The following BBOF1 variants were observed in gnomAD, a reference collection of about 807,000 sequenced individuals.
BBOF1 encodes basal body orientation factor 1, also known as basal body-orientation factor 1.
A neutral mutation model predicts 68.0 loss-of-function variants in BBOF1; 62 were observed. That is an observed-to-expected ratio of 0.91 (90% CI 0.74 to 1.13). The LOEUF (loss-of-function observed/expected upper bound fraction) is 1.13, where lower values mean the gene tolerates loss of function less well. Ranked by LOEUF, BBOF1 falls within the 50% of genes most tolerant of loss-of-function variation. BBOF1 has a pLI of 0.00. For missense variants in BBOF1, 534 were observed against 600.1 expected (o/e 0.89, Z 1.15); for synonymous variants, 208 against 198.8 (o/e 1.05, Z -0.39).
chr14:74,046,005 A>G lies in BBOF1; in HGVS notation c.577-55A>G, dbSNP rs570244556. ...ATTCTAAAATAAATATCTTTTGATG[A>G]GTAAAATTTGTTGTTAGGGGCATAA... is the stretch of plus-strand genomic sequence containing the variant. On this transcript the variant is annotated intron_variant, in intron 5 of 11. Transcript: ENST00000394009. 37 of 1,454,720 alleles carry G rather than the reference A, an allele frequency of 2.5e-5. No individual in the cohort carries two copies. In the South Asian group the frequency reaches 3.4e-4, roughly 13 times the overall value. The allele number at this position is 1,454,720 out of a possible 1,614,324, so 90.1% of individuals were successfully genotyped here. A position where few individuals can be genotyped will look rare whatever the true frequency, so the allele number is the denominator to read the frequency against.
downstream of BBOF1, among the ~76,000 whole-genome samples, chr14:74,066,491 A>G (rs551849636): frequency 6.6e-6 from 1 of 152,194 alleles, no homozygotes; most frequent in Non-Finnish European, 1.5e-5. Flanking sequence ...CTATCCCTTT[A>G]TGGAAAGTCT....
chr14:74,066,959 T>C, downstream of BBOF1: 1 of 1,459,470 alleles, frequency 6.9e-7, no homozygotes, highest in South Asian at 1.2e-5. Context: ...CTCATGCCTG[T>C]AATCCCAAAG....
intron 11 of BBOF1, among the ~76,000 whole-genome samples, chr14:74,061,525 C>G (rs943377459): frequency 2.0e-5 from 3 of 152,094 alleles, no homozygotes; most frequent in Non-Finnish European, 4.4e-5. Flanking sequence ...TGGCTAGCAC[C>G]ATGTTGGCCA....
At chr14:74,066,946 G>C, downstream of BBOF1, 3 of 1,520,682 alleles carry the variant, frequency 2.0e-6, no homozygotes, top group East Asian at 2.3e-5. Flanking sequence ...ACTGCTGCCA[G>C]GGCTCATGCC....
chr14:74,057,182 AG>A lies in BBOF1; in HGVS notation c.1503del (p.Gln501HisfsTer33). On this transcript the variant is annotated frameshift_variant, in exon 11 of 12. Transcript: ENST00000394009. LOFTEE classifies it high-confidence loss of function. ...CTTCAAGATAAAATCTTCATCACCC[AG>A]CAAATTGCAATATCAGACTCTTCTG... Reference protein sequence around the residue: ...SKLQDKIFITQQIAISDSSGE... With the variant: ...SKLQDKIFITXQIAISDSSGE... 2 of 1,613,684 alleles carry A rather than the reference AG, an allele frequency of 1.2e-6. No individual in the cohort carries two copies. Among genetic ancestry groups the A allele is most frequent in the Non-Finnish European group, 1.7e-6 (2 of 1,179,666 alleles).
chr14:74,060,163 CT>C lies in BBOF1; in HGVS notation c.1578+2912del, dbSNP rs1256064433. ...CTTTAAAAAATTTTTTTTCCCTTTT[CT>C]TTTTTTACTTTTTCAATTTTTTTAA... On this transcript the variant is annotated intron_variant, in intron 11 of 11. Coordinates refer to ENST00000394009, the MANE Select transcript of BBOF1 (RefSeq NM_025057.3). 1.2e-4 allele frequency: 19 copies of C among 156,250 alleles called. No homozygotes were observed. The South Asian group carries it at 1.9e-3, about 16-fold the overall frequency. 9.7% of individuals were successfully genotyped at this position (156,250 alleles called of 1,614,324 possible).
intron 9 of BBOF1, 110 bp from the exon 10 acceptor site, chr14:74,056,796 T>C (rs773005611): frequency 1.4e-5 from 10 of 705,870 alleles, no homozygotes; most frequent in Admixed American, 5.7e-5. Flanking sequence ...ATACCTACTA[T>C]CACCCACAAA....
rs530610068 is a variant in BBOF1 at position 74,071,726 on chromosome 14, TAAA to T, written n.1380-6469_1380-6467del. 3,268 of 1,455,704 alleles carry T rather than the reference TAAA, an allele frequency of 2.2e-3. 18 individuals are homozygous for T. The highest frequency in any genetic ancestry group is 0.02 in the Middle Eastern group (88 of 4,470). The allele number at this position is 1,455,704 out of a possible 1,614,324, so 90.2% of individuals were successfully genotyped here. On this transcript the variant is annotated intron_variant and non_coding_transcript_variant, in intron 9 of 12. Transcript: ENST00000492026. Reference sequence around the variant, plus strand: ...AAGATCATTTGAGTAAAGAGTAAAGTAAATCAGTCTTAGGGATACTGAATACTG... The same window carrying T: ...AAGATCATTTGAGTAAAGAGTAAAGTTCAGTCTTAGGGATACTGAATACTG...
Position 74,048,007 on chromosome 14 carries a change from A to C in BBOF1, c.725A>C (p.Glu242Ala). 1.9e-6 allele frequency: 3 copies of C among 1,613,510 alleles called. No individual in the cohort carries two copies. Among genetic ancestry groups the C allele is most frequent in the Non-Finnish European group, 2.5e-6 (3 of 1,179,724 alleles). The change falls in exon 7 of 12, where the codon GAA (glutamate) becomes GCA (alanine). Residue 242 changes from glutamate to alanine, a missense_variant. Transcript: ENST00000394009. Reference protein sequence around the residue: ...LQKALAYHLKETDALQKNSQK... With the variant: ...LQKALAYHLKATDALQKNSQK... ...AAAGCTCTGGCATATCACCTGAAGG[A>C]AACTGACGCTCTACAAAAAAACTCC...
Position 74,065,553 on chromosome 14 carries a change from T to C in BBOF1, c.*854T>C, listed in dbSNP as rs1595115927. Reference sequence around the variant, plus strand: ...TGTATTCCGTCTTCCAAGTTACCAATCATATAAACAACTTGGAATTCCTAT... The same window carrying C: ...TGTATTCCGTCTTCCAAGTTACCAACCATATAAACAACTTGGAATTCCTAT... On this transcript the variant is annotated 3_prime_UTR_variant, in exon 12 of 12. Transcript: ENST00000394009. 2 of 598,716 alleles carry C rather than the reference T, an allele frequency of 3.3e-6. No homozygotes were observed. Among genetic ancestry groups the C allele is most frequent in the Non-Finnish European group, 5.9e-6 (2 of 340,076 alleles). 37.1% of individuals were successfully genotyped at this position (598,716 alleles called of 1,614,324 possible). A position where few individuals can be genotyped will look rare whatever the true frequency, so the allele number is the denominator to read the frequency against.
Position 74,065,028 on chromosome 14 carries a change from T to G in BBOF1, c.*329T>G. 7.3e-7 allele frequency: 1 copy of G among 1,373,326 alleles called. No homozygotes were observed. Among genetic ancestry groups the G allele is most frequent in the Non-Finnish European group, 1.0e-6 (1 of 978,802 alleles). 85.1% of individuals were successfully genotyped at this position (1,373,326 alleles called of 1,614,324 possible). On this transcript the variant is annotated 3_prime_UTR_variant, in exon 12 of 12. Coordinates refer to ENST00000394009, the MANE Select transcript of BBOF1 (RefSeq NM_025057.3). Reference sequence around the variant, plus strand: ...TAAATACCCACCTTCTACCCTATCCTCTACCCCATGAACTTTCATTCCTGA... The same window carrying G: ...TAAATACCCACCTTCTACCCTATCCGCTACCCCATGAACTTTCATTCCTGA...
intron 4 of BBOF1, among the ~76,000 whole-genome samples, chr14:74,036,350 C>A (rs968102208): frequency 6.6e-6 from 1 of 152,150 alleles, no homozygotes; most frequent in Non-Finnish European, 1.5e-5. Context: ...AGCCACTGCA[C>A]CTGGCCTAAA....
At chr14:74,055,414 G>A in intron 8 of BBOF1, 170 bp from the exon 9 acceptor site, 1 of 535,470 alleles carries the variant, frequency 1.9e-6, no homozygotes. Flanking sequence ...CTCCCAAAGT[G>A]CTGGGATTAC....
intron 11 of BBOF1, chr14:74,058,031 A>T: frequency 3.6e-6 from 2 of 547,948 alleles, no homozygotes; most frequent in South Asian, 1.5e-4. Flanking sequence ...GGATTGGATT[A>T]AATATCACTA....
chr14:74,023,197 T>C (rs2059342730), intron 2 of BBOF1, 53 bp downstream of exon 2: 4 of 1,001,180 alleles, frequency 4.0e-6, no homozygotes, highest in Non-Finnish European at 3.0e-6. Flanking sequence ...ATGGTGATGC[T>C]GATGTGGTTA....
chr14:74,072,738 CT>C, intron 9 of BBOF1: 1 of 1,065,502 alleles, frequency 9.4e-7, no homozygotes, highest in South Asian at 1.4e-5. Context: ...ATCTTCTGGT[CT>C]TTAGAAATGT....
At chr14:74,036,829 C>A (rs1480139938) in intron 4 of BBOF1, among the ~76,000 whole-genome samples, 1 of 152,090 alleles carries the variant, frequency 6.6e-6, no homozygotes, top group Non-Finnish European at 1.5e-5. Flanking sequence ...CACCTCCATA[C>A]TTCCTTTAAT....
rs577256320 is a variant in BBOF1 at position 74,076,050 on chromosome 14, C to G, written n.1380-2146C>G. 3.3e-5 allele frequency among the ~76,000 whole-genome samples: 5 copies of G among 152,132 alleles called. 1 individual carries two copies. Among genetic ancestry groups the G allele is most frequent in the African/African-American group, 1.2e-4 (5 of 41,422 alleles). ...AAATCTGTAATATCAGAAAGCAGAA[C>G]AGTGGTTACCTAGGGATGACGAGGG... On this transcript the variant is annotated intron_variant and non_coding_transcript_variant, in intron 9 of 12. Transcript: ENST00000492026.
At position 74,019,475 on chromosome 14, in the gene BBOF1, C is replaced by A; in HGVS notation, c.-4C>A. The A allele has an allele frequency of 6.2e-7, 1 of 1,603,670 alleles. No homozygotes were observed. The highest frequency in any genetic ancestry group is 8.5e-7 in the Non-Finnish European group (1 of 1,175,046). On this transcript the variant is annotated 5_prime_UTR_variant, in exon 1 of 12. Transcript: ENST00000394009. ...ACGACAGCGGAGCCCCTGGGGAAGC[C>A]AAGATGCCGTCGAAGGGAAAGGACA...
Sources: allele counts gnomAD v4.1 joint callset (sites outside exome capture counted in the v4.1 genomes callset), GRCh38; gene constraint gnomAD v4.1.1; transcripts MANE v1.5; gene names NCBI Gene and HGNC (gene_info 2026-07-23, HGNC 2026-07-21).